The following TRIM24 variants were observed in gnomAD, a reference collection of about 807,000 sequenced individuals.
TRIM24 encodes transcription intermediary factor 1-alpha.
Under a neutral mutation model 123.9 loss-of-function variants are expected in TRIM24, and 29 were observed. That is an observed-to-expected ratio of 0.23 (90% CI 0.17 to 0.32). TRIM24 has a LOEUF of 0.32. TRIM24 is among the 10% of genes least tolerant of loss of function. TRIM24 has a pLI of 1.00. For synonymous variants in TRIM24, 456 were observed against 461.1 expected (o/e 0.99, Z 0.14); for missense variants, 932 against 1,295.3 (o/e 0.72, Z 4.31).
At chr7:138,505,127 C>A (rs1444316580) in intron 2 of TRIM24, among the ~76,000 whole-genome samples, 1 of 152,078 alleles carries the variant, frequency 6.6e-6, no homozygotes, top group African/African-American at 2.4e-5. Context: ...AGGAGCCAAA[C>A]ATTAGTTAAT....
intron 11 of TRIM24, among the ~76,000 whole-genome samples, chr7:138,572,276 T>C (rs1156514558): frequency 2.6e-5 from 4 of 152,192 alleles, no homozygotes; most frequent in African/African-American, 9.6e-5. Flanking sequence ...ATTTGGCTTT[T>C]AGGATTATCC....
At chr7:138,476,592 C>CAA (rs60613094) in intron 1 of TRIM24, among the ~76,000 whole-genome samples, 8 of 107,874 alleles carry the variant, frequency 7.4e-5, no homozygotes, top group Non-Finnish European at 1.0e-4. Context: ...GGCTCCGTCT[C>CAA]AAAAAAAAAA....
chr7:138,476,986 GA>G (rs774065068), intron 1 of TRIM24, among the ~76,000 whole-genome samples: 47 of 152,278 alleles, frequency 3.1e-4, no homozygotes, highest in Non-Finnish European at 2.8e-4. Context: ...GCTGTGGAGT[GA>G]ATTCCATGAT....
intron 1 of TRIM24, chr7:138,461,381 G>C (rs1794968500): frequency 2.5e-6 from 1 of 398,380 alleles, no homozygotes; most frequent in African/African-American, 2.1e-5. Flanking sequence ...AAGATGAAGT[G>C]ATGGTGACTT....
rs1798038409 is a variant in TRIM24 at position 138,587,353 on chromosome 7, A to C, written c.*2402A>C. The C allele has an allele frequency of 6.6e-6, 1 of 152,204 alleles. No homozygotes were observed. The highest frequency in any genetic ancestry group is 2.1e-4 in the South Asian group (1 of 4,818). 9.4% of individuals were successfully genotyped at this position (152,204 alleles called of 1,614,324 possible). Reference sequence around the variant, plus strand: ...GAGTGACAGAGACTCAGTCTCAAAAACAAAAAGTAAAGGTCTTGGGTTTCT... The same window carrying C: ...GAGTGACAGAGACTCAGTCTCAAAACCAAAAAGTAAAGGTCTTGGGTTTCT... On this transcript the variant is annotated 3_prime_UTR_variant, in exon 19 of 19. Coordinates refer to ENST00000343526, the MANE Select transcript of TRIM24 (RefSeq NM_015905.3).
At chr7:138,469,662 C>CT (rs756666520) in intron 1 of TRIM24, among the ~76,000 whole-genome samples, 30 of 152,144 alleles carry the variant, frequency 2.0e-4, no homozygotes, top group Non-Finnish European at 4.0e-4. Context: ...AATGGCATGA[C>CT]TAAGTGCCAT....
chr7:138,529,286 C>A, intron 6 of TRIM24, 56 bp downstream of exon 6: 1 of 916,736 alleles, frequency 1.1e-6, no homozygotes, highest in Non-Finnish European at 1.6e-6. Context: ...TCCTAAAGTA[C>A]TGTGAAGTAG....
chr7:138,497,996 T>C (rs965697621), intron 1 of TRIM24, among the ~76,000 whole-genome samples: 1 of 151,816 alleles, frequency 6.6e-6, no homozygotes. Context: ...CCTGACCCTG[T>C]GTGGTTTTTT....
In TRIM24 at chr7:138,538,675, C is replaced by G. The variant is rs868515585; in HGVS notation, c.1015C>G (p.Arg339Gly). Residue 339 changes from arginine (R) to glycine (G), a missense_variant, in exon 7 of 19, where the codon CGC (arginine) becomes GGC (glycine). Arg to Gly is a moderately radical substitution (Grantham distance 125). This residue lies in a region of TRIM24 where 527 missense variants were observed against 691.3 expected (regional missense o/e 0.76). Transcript: ENST00000343526. The stretch of plus-strand genomic sequence containing the variant: ...TTTTCAGAGCCTTGCAAAGGACCAT[C>G]GCATGAAACTTATGCAACAACAACA... ...HQLESLAKDHRMKLMQQQQEV... is the reference protein window; with the variant it reads ...HQLESLAKDHGMKLMQQQQEV... 1.2e-6 allele frequency: 2 copies of G among 1,614,034 alleles called. No homozygotes were observed. The highest frequency in any genetic ancestry group is 1.3e-5 in the African/African-American group (1 of 75,034).
chr7:138,473,172 C>T (rs868738848), intron 1 of TRIM24, among the ~76,000 whole-genome samples: 1 of 151,904 alleles, frequency 6.6e-6, no homozygotes, highest in Non-Finnish European at 1.5e-5. Context: ...TCCAGCTACT[C>T]GGGAGGCTGA....
chr7:138,495,344 T>C (rs1795879990), intron 1 of TRIM24, among the ~76,000 whole-genome samples: 1 of 152,148 alleles, frequency 6.6e-6, no homozygotes. Context: ...AGCAGCATAT[T>C]GTGGGATTTT....
intron 4 of TRIM24, among the ~76,000 whole-genome samples, chr7:138,519,630 G>A (rs1423151136): frequency 3.3e-5 from 5 of 152,134 alleles, no homozygotes; most frequent in African/African-American, 4.8e-5. Context: ...CATTGGCAAC[G>A]TCCTATGGAG....
chr7:138,557,492 T>G (rs935665682), intron 9 of TRIM24, among the ~76,000 whole-genome samples: 1 of 151,884 alleles, frequency 6.6e-6, no homozygotes, highest in Non-Finnish European at 1.5e-5. Flanking sequence ...GACAAGGGAG[T>G]ATTAAGCAAC....
intron 9 of TRIM24, among the ~76,000 whole-genome samples, chr7:138,561,668 C>G (rs1346800116): frequency 1.3e-5 from 2 of 152,150 alleles, no homozygotes; most frequent in Non-Finnish European, 2.9e-5. Context: ...AATTATGCTA[C>G]CGGGCCATGC....
chr7:138,556,298 A>G (rs1397892048), intron 9 of TRIM24: 2 of 152,198 alleles, frequency 1.3e-5, no homozygotes, highest in Non-Finnish European at 2.9e-5. Context: ...CAGCTTCTAA[A>G]TGTATTTTTC....
rs535279990 is a variant in TRIM24 at position 138,569,946 on chromosome 7, C to CTT, written c.1705-868_1705-867dup. On this transcript the variant is annotated intron_variant, in intron 10 of 18. Transcript: ENST00000343526. ...TCCTTTGTCCATTCATCAAGTCATCCTTTTTTTTTTTTTTTTTGAGGCAGA... is the reference window on the plus strand; with the variant it reads ...TCCTTTGTCCATTCATCAAGTCATCCTTTTTTTTTTTTTTTTTTTGAGGCAGA... Among the ~76,000 whole-genome samples the CTT allele has an allele frequency of 8.4e-3, 1,141 of 136,048 alleles. 18 individuals are homozygous for CTT. Among genetic ancestry groups the CTT allele is most frequent in the African/African-American group, 0.028 (1,022 of 36,806 alleles). The allele number at this position is 136,048 out of a possible 152,430, so 89.3% of individuals were successfully genotyped here.
intron 1 of TRIM24, among the ~76,000 whole-genome samples, chr7:138,474,010 A>G (rs1000367040): frequency 3.3e-5 from 5 of 152,070 alleles, no homozygotes; most frequent in African/African-American, 1.2e-4. Flanking sequence ...AGCTCAAGTG[A>G]TCCTCCTGCC....
chr7:138,578,567 C>CGT (rs922086465), intron 14 of TRIM24, among the ~76,000 whole-genome samples: 6 of 120,540 alleles, frequency 5.0e-5, no homozygotes, highest in Non-Finnish European at 9.7e-5. Context: ...TGTGTGTGCG[C>CGT]GCACGCACGA....
At chr7:138,545,887 A>G (rs1003296410) in intron 7 of TRIM24, among the ~76,000 whole-genome samples, 1 of 152,232 alleles carries the variant, frequency 6.6e-6, no homozygotes, top group Non-Finnish European at 1.5e-5. Context: ...ATTATAACAC[A>G]CTGAATTAAA....
Sources: gnomAD v4.1 joint callset for allele counts (sites outside exome capture counted in the v4.1 genomes callset) on GRCh38, gnomAD v4.1.1 for gene constraint, gnomAD v4.1.1 regional missense constraint, MANE v1.5 for transcripts, NCBI Gene and HGNC (gene_info 2026-07-23, HGNC 2026-07-21) for gene names.